The following HSD17B13 variants were observed in gnomAD, a reference collection of about 807,000 sequenced individuals.
The protein encoded by HSD17B13 is 17-beta-hydroxysteroid dehydrogenase 13.
HSD17B13 carries 26 observed loss-of-function variants against 31.1 expected under a neutral mutation model. The observed-to-expected ratio is 0.84, with a 90% CI of 0.61 to 1.16. HSD17B13 has a LOEUF of 1.16. Ranked by LOEUF, HSD17B13 falls within the 50% of genes most tolerant of loss-of-function variation. HSD17B13 has a pLI of 0.00. For synonymous variants in HSD17B13, 141 were observed against 133.7 expected (o/e 1.05, Z -0.38); for missense variants, 374 against 366.5 (o/e 1.02, Z -0.17).
Position 87,314,382 on chromosome 4 carries a change from T to G in HSD17B13, c.558-422A>C, listed in dbSNP as rs76083133. ...ACAGACTTCTGTAGGACTCTGCTCA[T>G]TTCTCCTCTCTCTCTCAATAACTGA... On this transcript the variant is annotated intron_variant, in intron 4 of 6. Transcript: ENST00000328546. Among the ~76,000 whole-genome samples, 17 of 152,006 alleles carry G rather than the reference T, an allele frequency of 1.1e-4. No homozygotes were observed. The East Asian group carries it at 3.3e-3, about 29-fold the overall frequency.
At chr4:87,306,940 A>G (rs960794048) in intron 6 of HSD17B13, among the ~76,000 whole-genome samples, 1 of 147,056 alleles carries the variant, frequency 6.8e-6, no homozygotes, top group Non-Finnish European at 1.5e-5. Context: ...AAAAAGGAAG[A>G]CAGTATGTGA....
rs1201295471 is a variant in HSD17B13, at chr4:87,305,080, C to G, written c.*138G>C. ...AGGAAGACAGGTAATTAATCTTGTT[C>G]GTTTGACTGCTGCTAGTGCCAAACC... is the stretch of plus-strand genomic sequence containing the variant. On this transcript the variant is annotated 3_prime_UTR_variant, in exon 7 of 7. Coordinates refer to ENST00000328546, the MANE Select transcript of HSD17B13 (RefSeq NM_178135.5). The G allele has an allele frequency of 4.4e-6, 2 of 453,270 alleles. No homozygotes were observed. The highest frequency in any genetic ancestry group is 7.6e-6 in the Non-Finnish European group (2 of 263,400). The allele number at this position is 453,270 out of a possible 1,614,324, so 28.1% of individuals were successfully genotyped here.
intron 5 of HSD17B13, 71 bp downstream of exon 5, chr4:87,313,752 A>G: frequency 7.5e-7 from 1 of 1,324,992 alleles, no homozygotes; most frequent in Non-Finnish European, 1.1e-6. Flanking sequence ...TGGCCTGCCT[A>G]AACATTTCTC....
chr4:87,310,420 A>G, intron 5 of HSD17B13, 61 bp from the exon 6 acceptor site: 1 of 1,269,518 alleles, frequency 7.9e-7, no homozygotes, highest in Non-Finnish European at 1.0e-6. Context: ...TTATAAGTAA[A>G]TGATGGCAGG....
At position 87,305,157 on chromosome 4, in the gene HSD17B13, C is replaced by A; in HGVS notation, c.*61G>T. ...AAAAATGTGAAATAAAGCTTTGCAG[C>A]ATTGATTCGAAACTATTCATATCAT... On this transcript the variant is annotated 3_prime_UTR_variant, in exon 7 of 7. Transcript: ENST00000328546. 9.4e-7 allele frequency: 1 copy of A among 1,062,938 alleles called. No individual in the cohort carries two copies. Among genetic ancestry groups the A allele is most frequent in the South Asian group, 1.6e-5 (1 of 60,756 alleles). The allele number at this position is 1,062,938 out of a possible 1,614,324, so 65.8% of individuals were successfully genotyped here.
intron 4 of HSD17B13, among the ~76,000 whole-genome samples, chr4:87,314,565 T>C (rs1734604055): frequency 6.6e-6 from 1 of 152,128 alleles, no homozygotes; most frequent in Admixed American, 6.5e-5. Context: ...CTTCCCTTTA[T>C]GTCTTTGGTG....
intron 6 of HSD17B13, 73 bp downstream of exon 6, chr4:87,310,169 GT>G: frequency 7.1e-7 from 1 of 1,403,388 alleles, no homozygotes; most frequent in Non-Finnish European, 9.3e-7. Flanking sequence ...GTGAGACTCT[GT>G]CTAAAAAAAA....
At chr4:87,315,022 T>TGAGGCAGGAGAACAGGGTCTG (rs1438978416) in intron 4 of HSD17B13, among the ~76,000 whole-genome samples, 4 of 152,212 alleles carry the variant, frequency 2.6e-5, no homozygotes, top group African/African-American at 2.4e-5. Flanking sequence ...ATTGTAATCT[T>TGAGGCAGGAGAACAGGGTCTG]GAGGCAGGAG....
At chr4:87,313,088 T>A (rs960956464) in intron 5 of HSD17B13, among the ~76,000 whole-genome samples, 2 of 103,616 alleles carry the variant, frequency 1.9e-5, no homozygotes, top group Non-Finnish European at 4.2e-5. Flanking sequence ...AACAAAAACT[T>A]TTTTTTTTCT....
At chr4:87,315,152 T>G (rs1211419186) in intron 4 of HSD17B13, among the ~76,000 whole-genome samples, 1 of 152,026 alleles carries the variant, frequency 6.6e-6, no homozygotes. Flanking sequence ...TGGTGTACAC[T>G]GAGTAAACGA....
chr4:87,305,095 A>C lies in HSD17B13; in HGVS notation c.*123T>G. ...TAATCTTGTTCGTTTGACTGCTGCT[A>C]GTGCCAAACCAATGTTTTTAATATT... is the stretch of plus-strand genomic sequence containing the variant. On this transcript the variant is annotated 3_prime_UTR_variant, in exon 7 of 7. Transcript: ENST00000328546. The C allele has an allele frequency of 2.0e-6, 1 of 488,462 alleles. No homozygotes were observed. The highest frequency in any genetic ancestry group is 3.5e-6 in the Non-Finnish European group (1 of 289,018). The allele number at this position is 488,462 out of a possible 1,614,324, so 30.3% of individuals were successfully genotyped here. A position where few individuals can be genotyped will look rare whatever the true frequency, so the allele number is the denominator to read the frequency against.
chr4:87,320,408 A>C (rs1734756515), intron 1 of HSD17B13, among the ~76,000 whole-genome samples: 1 of 103,170 alleles, frequency 9.7e-6, no homozygotes, highest in South Asian at 3.4e-4. Flanking sequence ...TTTTTTTGAG[A>C]CGGAGTCTCG....
At chr4:87,312,697 T>C (rs1214236037) in intron 5 of HSD17B13, among the ~76,000 whole-genome samples, 1 of 151,282 alleles carries the variant, frequency 6.6e-6, no homozygotes, top group Admixed American at 6.6e-5. Flanking sequence ...GCCCGGCTAA[T>C]TTTTTTGTGT....
chr4:87,311,963 A>C (rs1734538891), intron 5 of HSD17B13, among the ~76,000 whole-genome samples: 1 of 152,190 alleles, frequency 6.6e-6, no homozygotes, highest in Non-Finnish European at 1.5e-5. Flanking sequence ...CTTAGCCCTT[A>C]CTAAGGAAAT....
At chr4:87,310,976 G>T (rs952822467) in intron 5 of HSD17B13, among the ~76,000 whole-genome samples, 1 of 152,076 alleles carries the variant, frequency 6.6e-6, no homozygotes, top group Non-Finnish European at 1.5e-5. Flanking sequence ...ATAAAATAGG[G>T]TGCAGTAAAG....
In HSD17B13 at chr4:87,305,275, A is replaced by G; in HGVS notation, c.846T>C (p.Asn282=). Residue 282 remains asparagine, a synonymous_variant, in exon 7 of 7, where the codon AAT becomes AAC. Coordinates refer to ENST00000328546, the MANE Select transcript of HSD17B13 (RefSeq NM_178135.5). ...FLPERASAIL[N]RMQNIQFEAV... is the part of the protein sequence containing the mutation. ...CTTCAAATTGAATATTCTGCATACGATTTAAAATCGCTGAGGCGCGTTCAG... is the reference window on the plus strand; with the variant it reads ...CTTCAAATTGAATATTCTGCATACGGTTTAAAATCGCTGAGGCGCGTTCAG... The G allele has an allele frequency of 6.2e-7, 1 of 1,607,738 alleles. No homozygotes were observed. The highest frequency in any genetic ancestry group is 2.2e-5 in the East Asian group (1 of 44,812).
Position 87,318,369 on chromosome 4 carries a change from T to G in HSD17B13, c.278A>C (p.Asp93Ala). 1 of 1,614,184 alleles carries G rather than the reference T, an allele frequency of 6.2e-7. No homozygotes were observed. Among genetic ancestry groups the G allele is most frequent in the Non-Finnish European group, 8.5e-7 (1 of 1,179,976 alleles). Residue 93 changes from aspartate to alanine, a missense_variant, in exon 2 of 7, where the codon GAC becomes GCC. Physicochemically the swap from Asp to Ala is moderately radical, Grantham distance 126. Coordinates refer to ENST00000328546, the MANE Select transcript of HSD17B13 (RefSeq NM_178135.5). Reference protein sequence around the residue: ...LGVTAHAYVVDCSNREEIYRS... With the variant: ...LGVTAHAYVVACSNREEIYRS... ...ATAGATCTCTTCTCTGTTGCTGCAG[T>G]CTACCACATACGCATGCGCAGTGAC... is the stretch of plus-strand genomic sequence containing the variant.
At chr4:87,317,029 T>C (rs112952768) in intron 3 of HSD17B13, 63 bp downstream of exon 3, 4 of 1,538,368 alleles carry the variant, frequency 2.6e-6, no homozygotes, top group African/African-American at 2.7e-5. Context: ...TGAACTCCGT[T>C]ATAAGTTTCA....
chr4:87,320,393 T>G (rs922472658), intron 1 of HSD17B13, among the ~76,000 whole-genome samples: 2 of 144,970 alleles, frequency 1.4e-5, no homozygotes, highest in African/African-American at 2.5e-5. Flanking sequence ...TTTTTTTTTT[T>G]TTTTTTTTTT....
Sources: gnomAD v4.1 joint callset for allele counts (sites outside exome capture counted in the v4.1 genomes callset) on GRCh38, gnomAD v4.1.1 for gene constraint, MANE v1.5 for transcripts, NCBI Gene and HGNC (gene_info 2026-07-23, HGNC 2026-07-21) for gene names.